The following PPM1G variants were observed in gnomAD, a reference collection of about 807,000 sequenced individuals.
PPM1G encodes the protein protein phosphatase 1G.
A neutral mutation model predicts 59.4 loss-of-function variants in PPM1G; 12 were observed. That is an observed-to-expected ratio of 0.20 (90% confidence interval 0.13 to 0.33). PPM1G has a LOEUF of 0.33. PPM1G is among the 10% of genes least tolerant of loss of function. The pLI is 1.00. For synonymous variants in PPM1G, 245 were observed against 251.9 expected (o/e 0.97, Z 0.26); for missense variants, 392 against 681.3 (o/e 0.58, Z 4.73).
rs564866838 is a variant in PPM1G, at chr2:27,393,153, T to C, written c.121-5995A>G. The C allele has an allele frequency of 9.1e-5, 130 of 1,427,934 alleles. 3 individuals are homozygous for C. The South Asian group carries it at 1.2e-3, about 13-fold the overall frequency. The allele number at this position is 1,427,934 out of a possible 1,614,324, so 88.5% of individuals were successfully genotyped here. On this transcript the variant is annotated intron_variant, in intron 1 of 9. Coordinates refer to ENST00000344034, the MANE Select transcript of PPM1G (RefSeq NM_177983.3). ...TCGGCCACCTCGTTGGTTCTACAGC[T>C]TCATCAATTTCTCAGCATGTTCCCT...
At chr2:27,407,468 T>C (rs1026840056) in intron 1 of PPM1G, among the ~76,000 whole-genome samples, 2 of 152,094 alleles carry the variant, frequency 1.3e-5, no homozygotes, top group African/African-American at 4.8e-5. Flanking sequence ...GTTTTTGCCA[T>C]GTTGCCCAGG....
Position 27,382,066 on chromosome 2 carries a change from A to G in PPM1G, c.1434+60T>C. The G allele has an allele frequency of 3.9e-6, 6 of 1,521,600 alleles. No homozygotes were observed. The highest frequency in any genetic ancestry group is 4.6e-6 in the Non-Finnish European group (5 of 1,097,520). 94.3% of individuals were successfully genotyped at this position (1,521,600 alleles called of 1,614,324 possible). A position where few individuals can be genotyped will look rare whatever the true frequency, so the allele number is the denominator to read the frequency against. On this transcript the variant is annotated intron_variant, in intron 9 of 9. Transcript: ENST00000344034. This position sits in a 1 kb window ranked among gnomAD's most constrained non-coding sequence, Gnocchi z 4.2. ...CCAGATTGCCGACTTAGCTCAGATTAAAAGAGTGAACCCTGGCTGTGCAGA... is the reference window on the plus strand; with the variant it reads ...CCAGATTGCCGACTTAGCTCAGATTGAAAGAGTGAACCCTGGCTGTGCAGA...
At chr2:27,402,806 C>A (rs1572669309) in intron 1 of PPM1G, among the ~76,000 whole-genome samples, 2 of 140,834 alleles carry the variant, frequency 1.4e-5, no homozygotes, top group East Asian at 2.1e-4. Context: ...GACTCCATCT[C>A]AATAAATAAA....
chr2:27,403,712 C>T (rs1469041774), intron 1 of PPM1G, among the ~76,000 whole-genome samples: 1 of 151,944 alleles, frequency 6.6e-6, no homozygotes, highest in South Asian at 2.1e-4. Flanking sequence ...CACAGAGAAA[C>T]CCCATCTCTA....
Position 27,383,740 on chromosome 2 carries a change from C to G in PPM1G, c.967-140G>C, listed in dbSNP as rs1208974244. The G allele has an allele frequency of 2.4e-5, 28 of 1,158,184 alleles. No individual in the cohort carries two copies. Among genetic ancestry groups the G allele is most frequent in the Non-Finnish European group, 3.4e-5 (28 of 828,582 alleles). 71.7% of individuals were successfully genotyped at this position (1,158,184 alleles called of 1,614,324 possible). A position where few individuals can be genotyped will look rare whatever the true frequency, so the allele number is the denominator to read the frequency against. On this transcript the variant is annotated intron_variant, in intron 6 of 9. Coordinates refer to ENST00000344034, the MANE Select transcript of PPM1G (RefSeq NM_177983.3). The surrounding 1 kb of genome is among the most constrained non-coding windows in gnomAD (Gnocchi z 5.0). ...CAAACAGGAGAAGCACACATTTCAT[C>G]TTTCTAGAGACAGCAGCACACTCCC...
chr2:27,385,159 A>C lies in PPM1G; in HGVS notation c.410-71T>G. 2.6e-5 allele frequency: 39 copies of C among 1,489,048 alleles called. No homozygotes were observed. The highest frequency in any genetic ancestry group is 4.1e-5 in the South Asian group (3 of 74,068). 92.2% of individuals were successfully genotyped at this position (1,489,048 alleles called of 1,614,324 possible). A position where few individuals can be genotyped will look rare whatever the true frequency, so the allele number is the denominator to read the frequency against. ...TGGGATCCGTCCCTCTCACTACCTC[A>C]ACAGCCCTTGCAGCCTCTAACTTCC... is the stretch of plus-strand genomic sequence containing the variant. On this transcript the variant is annotated intron_variant, in intron 4 of 9. Coordinates refer to ENST00000344034, the MANE Select transcript of PPM1G (RefSeq NM_177983.3). The surrounding 1 kb of genome is among the most constrained non-coding windows in gnomAD (Gnocchi z 4.1).
At chr2:27,402,010 A>G (rs1684190266) in intron 1 of PPM1G, among the ~76,000 whole-genome samples, 1 of 152,084 alleles carries the variant, frequency 6.6e-6, no homozygotes, top group African/African-American at 2.4e-5. Context: ...ATCTCAATAA[A>G]GCTGATTAAA....
intron 1 of PPM1G, chr2:27,393,005 C>T: frequency 6.6e-7 from 1 of 1,513,430 alleles, no homozygotes; most frequent in South Asian, 1.1e-5. Flanking sequence ...GACTGATTCA[C>T]ATTTTTTTCC....
chr2:27,386,604 G>C (rs1468299956), intron 2 of PPM1G: 8 of 195,946 alleles, frequency 4.1e-5, no homozygotes, highest in Non-Finnish European at 8.6e-5. Flanking sequence ...GCCCAGGCTG[G>C]AGTGCAGTGG....
chr2:27,382,953 G>A lies in PPM1G; in HGVS notation c.1202-348C>T, dbSNP rs1683673659. On this transcript the variant is annotated intron_variant, in intron 7 of 9. Coordinates refer to ENST00000344034, the MANE Select transcript of PPM1G (RefSeq NM_177983.3). This position sits in a 1 kb window ranked among gnomAD's most constrained non-coding sequence, Gnocchi z 4.2. ...CGGTTCTCCTGCCTCAGCCTCCTGA[G>A]TAGCTGGGATTACAGGCTTGCACTA... is the stretch of plus-strand genomic sequence containing the variant. 6.6e-6 allele frequency among the ~76,000 whole-genome samples: 1 copy of A among 151,420 alleles called. No individual in the cohort carries two copies. The highest frequency in any genetic ancestry group is 2.4e-5 in the African/African-American group (1 of 41,190).
rs1318338853 is a variant in PPM1G, at chr2:27,388,592, G to A, written c.121-1434C>T. 5.3e-5 allele frequency among the ~76,000 whole-genome samples: 8 copies of A among 151,858 alleles called. No homozygotes were observed. In the East Asian group the frequency reaches 7.7e-4, roughly 15 times the overall value. ...AAAAGTTAAAAAAGTATCTACATGT[G>A]AGGACGGCCACAGTGGCTCACTCCT... On this transcript the variant is annotated intron_variant, in intron 1 of 9. Coordinates refer to ENST00000344034, the MANE Select transcript of PPM1G (RefSeq NM_177983.3).
intron 1 of PPM1G, chr2:27,393,381 G>A (rs893276546): frequency 1.3e-6 from 2 of 1,509,396 alleles, no homozygotes; most frequent in Non-Finnish European, 1.8e-6. Flanking sequence ...GGCGACTAAG[G>A]AGAGGCGGCG....
At chr2:27,394,116 C>T (rs895028030) in intron 1 of PPM1G, among the ~76,000 whole-genome samples, 2 of 151,774 alleles carry the variant, frequency 1.3e-5, no homozygotes, top group African/African-American at 4.8e-5. Context: ...AGGCTGGTCT[C>T]GAACTCCTGA....
At chr2:27,392,657 A>C in intron 1 of PPM1G, 1 of 651,176 alleles carries the variant, frequency 1.5e-6, no homozygotes, top group South Asian at 1.6e-5. Context: ...GGAATGGTAC[A>C]AATCAAAGAA....
chr2:27,386,803 C>T (rs1335148427), intron 2 of PPM1G: 12 of 233,308 alleles, frequency 5.1e-5, no homozygotes, highest in Non-Finnish European at 7.6e-5. Flanking sequence ...TCCACTGTGC[C>T]GGGATTACAG....
At chr2:27,389,039 AAC>A (rs1683835282) in intron 1 of PPM1G, among the ~76,000 whole-genome samples, 1 of 152,136 alleles carries the variant, frequency 6.6e-6, no homozygotes, top group Non-Finnish European at 1.5e-5. Context: ...AAGGACAACA[AAC>A]ACACCTAAGA....
At chr2:27,402,853 TA>T (rs1331509052) in intron 1 of PPM1G, among the ~76,000 whole-genome samples, 2 of 119,744 alleles carry the variant, frequency 1.7e-5, no homozygotes, top group Non-Finnish European at 3.5e-5. Context: ...AATAAATAAA[TA>T]AAATAAACAT....
At position 27,409,327 on chromosome 2, in the gene PPM1G, CATGG is replaced by C; in HGVS notation, c.92_95del (p.Ala31GlyfsTer63). 1 of 1,546,206 alleles carries C rather than the reference CATGG, an allele frequency of 6.5e-7. No homozygotes were observed. Among genetic ancestry groups the C allele is most frequent in the Non-Finnish European group, 8.7e-7 (1 of 1,145,888 alleles). On this transcript the variant is annotated frameshift_variant, in exon 1 of 10. Transcript: ENST00000344034. LOFTEE classifies it high-confidence loss of function. ...CCTCCATGGAGACGCGCCAGCCTTG[CATGG>C]CGGAGAAGCCGTAGGGCAGCGGCAG...
Position 27,384,740 on chromosome 2 carries a change from T to C in PPM1G, c.758A>G (p.Lys253Arg), listed in dbSNP as rs774295705. Residue 253 changes from lysine to arginine, a missense_variant, in exon 5 of 10, where the codon AAG becomes AGG. Lys to Arg is a conservative substitution (Grantham distance 26, BLOSUM62 2). This residue lies in a region of PPM1G where 188 missense variants were observed against 248.8 expected (regional missense o/e 0.76). Transcript: ENST00000344034. This position sits in a 1 kb window ranked among gnomAD's most constrained non-coding sequence, Gnocchi z 4.8. Reference protein sequence around the residue: ...SASDKLPRVAKSKFFEDSEDE... With the variant: ...SASDKLPRVARSKFFEDSEDE... Reference sequence around the variant, plus strand: ...CTCACTGTCCTCAAAGAACTTGGACTTAGCAACTCGAGGCAGCTTGTCAGA... The same window carrying C: ...CTCACTGTCCTCAAAGAACTTGGACCTAGCAACTCGAGGCAGCTTGTCAGA... 1.3e-5 allele frequency: 21 copies of C among 1,614,068 alleles called. No homozygotes were observed. The highest frequency in any genetic ancestry group is 1.7e-5 in the Non-Finnish European group (20 of 1,180,028).
Sources: gnomAD v4.1 joint callset for allele counts (sites outside exome capture counted in the v4.1 genomes callset) on GRCh38, gnomAD v4.1.1 for gene constraint, gnomAD v4.1.1 regional missense constraint, Gnocchi (gnomAD v3.1) non-coding constraint, MANE v1.5 for transcripts, NCBI Gene and HGNC (gene_info 2026-07-23, HGNC 2026-07-21) for gene names.